The following SGPP1 variants were observed in gnomAD, a reference collection of about 807,000 sequenced individuals.
SGPP1 encodes sphingosine-1-phosphate phosphatase 1.
SGPP1 carries 21 observed loss-of-function variants against 33.0 expected under a neutral mutation model. The ratio of observed to expected loss-of-function variants is 0.64; its 90% confidence interval spans 0.45 to 0.92. The LOEUF (loss-of-function observed/expected upper bound fraction) is 0.92, where lower values mean the gene tolerates loss of function less well. SGPP1 is among the 40% of genes least tolerant of loss of function. The probability of loss-of-function intolerance (pLI) is 0.00; values close to 1 mark genes in which losing one functional copy is unlikely to be tolerated. For synonymous variants in SGPP1, 239 were observed against 241.2 expected, an observed-to-expected ratio of 0.99 and a Z score of 0.08; for missense variants, 543 against 589.4, an observed-to-expected ratio of 0.92 and a Z score of 0.81.
intron 1 of SGPP1, among the ~76,000 whole-genome samples, chr14:63,705,681 T>C (rs1194702048): frequency 1.3e-5 from 2 of 151,436 alleles, no homozygotes; most frequent in East Asian, 3.9e-4. Context: ...AAATGGGAAA[T>C]GAAAATGAAA....
intron 1 of SGPP1, among the ~76,000 whole-genome samples, chr14:63,699,364 G>C (rs1038449868): frequency 6.6e-6 from 1 of 152,132 alleles, no homozygotes; most frequent in African/African-American, 2.4e-5. Context: ...AGGATGGATG[G>C]GCATGGTGGT....
chr14:63,685,651 A>G lies in SGPP1; in HGVS notation c.*454T>C, dbSNP rs765848650. The G allele has an allele frequency of 5.9e-5, 9 of 152,148 alleles. No homozygotes were observed. The highest frequency in any genetic ancestry group is 1.0e-4 in the Non-Finnish European group (7 of 67,886). The allele number at this position is 152,148 out of a possible 1,614,324, so 9.4% of individuals were successfully genotyped here. A position where few individuals can be genotyped will look rare whatever the true frequency, so the allele number is the denominator to read the frequency against. ...GGCTCCCATAGTAAATAAATGTTAAATATATCTGTTAATAACAACATACCT... is the reference window on the plus strand; with the variant it reads ...GGCTCCCATAGTAAATAAATGTTAAGTATATCTGTTAATAACAACATACCT... On this transcript the variant is annotated 3_prime_UTR_variant, in exon 3 of 3. Coordinates refer to ENST00000247225, the MANE Select transcript of SGPP1 (RefSeq NM_030791.4).
chr14:63,709,492 C>A (rs1442211827), intron 1 of SGPP1, among the ~76,000 whole-genome samples: 1 of 151,974 alleles, frequency 6.6e-6, no homozygotes, highest in Non-Finnish European at 1.5e-5. Flanking sequence ...ATTCCTTTTC[C>A]AATTTATCAT....
intron 1 of SGPP1, among the ~76,000 whole-genome samples, chr14:63,724,151 T>A (rs189870469): frequency 0.094 from 14,287 of 151,912 alleles, 1,468 homozygotes; most frequent in African/African-American, 0.26. Flanking sequence ...AAGTGCTAGG[T>A]GTACAGGGAT....
chr14:63,727,880 C>T lies in SGPP1; in HGVS notation c.65G>A (p.Arg22His). Reference protein sequence around the residue: ...GRLQDPQKVARFQRLCGVEAP... With the variant: ...GRLQDPQKVAHFQRLCGVEAP... ...TTCCACCCCGCACAGCCGCTGGAAA[C>T]GGGCCACTTTCTGCGGGTCCTGCAG... The change falls in exon 1 of 3, where the codon CGT becomes CAT. Residue 22 changes from arginine (R) to histidine (H), a missense_variant. Arg to His is a conservative substitution (Grantham distance 29). Transcript: ENST00000247225. 1.3e-6 allele frequency: 2 copies of T among 1,525,094 alleles called. No homozygotes were observed. Among genetic ancestry groups the T allele is most frequent in the Non-Finnish European group, 1.7e-6 (2 of 1,143,048 alleles). 94.5% of individuals were successfully genotyped at this position (1,525,094 alleles called of 1,614,324 possible). A position where few individuals can be genotyped will look rare whatever the true frequency, so the allele number is the denominator to read the frequency against.
chr14:63,701,084 G>A (rs1375874791), intron 1 of SGPP1, among the ~76,000 whole-genome samples: 3 of 151,952 alleles, frequency 2.0e-5, no homozygotes, highest in Non-Finnish European at 2.9e-5. Context: ...AGACTCAAGC[G>A]ACCCTCCTAC....
At chr14:63,695,333 G>A (rs1372204232) in intron 2 of SGPP1, among the ~76,000 whole-genome samples, 1 of 152,230 alleles carries the variant, frequency 6.6e-6, no homozygotes, top group Non-Finnish European at 1.5e-5. Flanking sequence ...TGGGATTACA[G>A]GCGTGAGCCA....
chr14:63,728,002 G>A lies in SGPP1; in HGVS notation c.-58C>T. The A allele has an allele frequency of 3.4e-6, 5 of 1,468,298 alleles. No individual in the cohort carries two copies. Among genetic ancestry groups the A allele is most frequent in the Non-Finnish European group, 4.5e-6 (5 of 1,115,790 alleles). The allele number at this position is 1,468,298 out of a possible 1,614,324, so 91.0% of individuals were successfully genotyped here. ...TCCGGCGCAGCCCCGAACTGTCCCCGCGCTCCTGGCCAGCGGCAGCGGAAC... is the reference window on the plus strand; with the variant it reads ...TCCGGCGCAGCCCCGAACTGTCCCCACGCTCCTGGCCAGCGGCAGCGGAAC... On this transcript the variant is annotated 5_prime_UTR_variant, in exon 1 of 3. Transcript: ENST00000247225.
intron 2 of SGPP1, among the ~76,000 whole-genome samples, chr14:63,692,455 CT>C (rs143607749): frequency 4.2e-3 from 602 of 144,298 alleles, no homozygotes; most frequent in Non-Finnish European, 5.6e-3. Context: ...GTTCAACTTC[CT>C]TTTTTTTTTT....
chr14:63,708,849 C>A (rs760622074), intron 1 of SGPP1, among the ~76,000 whole-genome samples: 2 of 152,082 alleles, frequency 1.3e-5, no homozygotes, highest in Non-Finnish European at 2.9e-5. Context: ...CTAAGTCAAC[C>A]AGCTATCAGG....
chr14:63,698,668 A>G lies in SGPP1; in HGVS notation c.685-10T>C, dbSNP rs535734300. On this transcript the variant is annotated splice_polypyrimidine_tract_variant and intron_variant, in intron 1 of 2. Transcript: ENST00000247225. ...CATATATAAGAGGGTACTAAAGGGG[A>G]AAAAAAGTAAAATTAGTTAAACAAA... 84 of 1,444,436 alleles carry G rather than the reference A, an allele frequency of 5.8e-5. No homozygotes were observed. The African/African-American group carries it at 1.0e-3, about 18-fold the overall frequency. 89.5% of individuals were successfully genotyped at this position (1,444,436 alleles called of 1,614,324 possible). A position where few individuals can be genotyped will look rare whatever the true frequency, so the allele number is the denominator to read the frequency against.
chr14:63,702,625 G>A (rs1055595554), intron 1 of SGPP1, among the ~76,000 whole-genome samples: 45 of 152,182 alleles, frequency 3.0e-4, no homozygotes, highest in African/African-American at 9.2e-4. Flanking sequence ...CATGAGAATC[G>A]CTTGAACCTG....
At chr14:63,727,214 A>T in intron 1 of SGPP1, 47 bp downstream of exon 1, 1 of 1,527,106 alleles carries the variant, frequency 6.5e-7, no homozygotes, top group South Asian at 1.3e-5. Context: ...GAGAACTCCG[A>T]GTTCTTTGAA....
chr14:63,707,360 G>A (rs997270283), intron 1 of SGPP1, among the ~76,000 whole-genome samples: 1 of 152,050 alleles, frequency 6.6e-6, no homozygotes, highest in African/African-American at 2.4e-5. Flanking sequence ...ATTAAGGAAA[G>A]AATCTGTGAA....
chr14:63,707,352 T>A (rs899883379), intron 1 of SGPP1, among the ~76,000 whole-genome samples: 1 of 152,030 alleles, frequency 6.6e-6, no homozygotes, highest in Admixed American at 6.6e-5. Flanking sequence ...CAGTTCCTAT[T>A]AAGGAAAGAA....
chr14:63,725,248 G>A (rs141579357), intron 1 of SGPP1, among the ~76,000 whole-genome samples: 1 of 152,172 alleles, frequency 6.6e-6, no homozygotes, highest in African/African-American at 2.4e-5. Context: ...GGTGGTAGGC[G>A]CCTGTAATCC....
chr14:63,693,376 C>G (rs1006044617), intron 2 of SGPP1, among the ~76,000 whole-genome samples: 8 of 152,170 alleles, frequency 5.3e-5, no homozygotes, highest in African/African-American at 1.4e-4. Context: ...ATTTTGGCTA[C>G]AAAAATAAAA....
At chr14:63,724,870 A>C in intron 1 of SGPP1, among the ~76,000 whole-genome samples, 1 of 150,236 alleles carries the variant, frequency 6.7e-6, no homozygotes, top group South Asian at 2.1e-4. Flanking sequence ...CAACAGAGCG[A>C]GACTCCGTCT....
At chr14:63,718,590 G>C (rs759118792) in intron 1 of SGPP1, among the ~76,000 whole-genome samples, 4 of 151,918 alleles carry the variant, frequency 2.6e-5, no homozygotes, top group Non-Finnish European at 4.4e-5. Flanking sequence ...GAGAGGGCAG[G>C]GATAAGTGGA....
Sources: gnomAD v4.1 joint callset for allele counts (sites outside exome capture counted in the v4.1 genomes callset) on GRCh38, gnomAD v4.1.1 for gene constraint, MANE v1.5 for transcripts, NCBI Gene and HGNC (gene_info 2026-07-23, HGNC 2026-07-21) for gene names.